EEF1D: variants seen among roughly 807,000 people sequenced by gnomAD.
The protein encoded by EEF1D is elongation factor 1-delta.
Under a neutral mutation model 63.9 loss-of-function variants are expected in EEF1D, and 47 were observed. The ratio of observed to expected loss-of-function variants is 0.74; its 90% CI spans 0.58 to 0.94. The LOEUF is 0.94. EEF1D is among the 40% of genes least tolerant of loss of function. The probability of loss-of-function intolerance (pLI) is 0.00; values close to 1 mark genes in which losing one functional copy is unlikely to be tolerated. For missense variants in EEF1D, 907 were observed against 899.0 expected (o/e 1.01, Z -0.11); for synonymous variants, 412 against 386.1 (o/e 1.07, Z -0.79).
At position 143,580,044 on chromosome 8, in the gene EEF1D, G is replaced by A. The variant is rs999731778; in HGVS notation, c.1873C>T (p.Leu625=). The A allele has an allele frequency of 1.9e-6, 3 of 1,613,904 alleles. No homozygotes were observed. The highest frequency in any genetic ancestry group is 2.5e-6 in the Non-Finnish European group (3 of 1,179,928). Residue 625 remains leucine (L), a synonymous_variant, in exon 9 of 10, where the codon CTG becomes TTG. Transcript: ENST00000618139. ...VEDDKVGTDL[L]EEEITKFEEH... ...TCAAACTTGGTGATCTCCTCCTCCA[G>A]CAAGTCTGTCCCCACCTTGTCGTCC...
chr8:143,591,306 C>T (rs1391415518), intron 2 of EEF1D, among the ~76,000 whole-genome samples: 1 of 152,214 alleles, frequency 6.6e-6, no homozygotes, highest in East Asian at 1.9e-4. Flanking sequence ...ATGAGGTGTT[C>T]CCTCAAGCTC....
chr8:143,592,583 C>T (rs530019549), intron 2 of EEF1D, 64 bp downstream of exon 2: 6 of 982,830 alleles, frequency 6.1e-6, no homozygotes, highest in Non-Finnish European at 6.0e-6. Context: ...TCAGGTGCAG[C>T]GAGGGCTGGG....
chr8:143,579,864 T>C (rs1824966052), intron 9 of EEF1D, 34 bp from the exon 10 acceptor site: 1 of 1,543,996 alleles, frequency 6.5e-7, no homozygotes, highest in Non-Finnish European at 8.7e-7. Flanking sequence ...GTCAGGGCTG[T>C]TCCCCTACAG....
Position 143,589,369 on chromosome 8 carries a change from CGGG to C in EEF1D, c.710_712del (p.Pro237del), listed in dbSNP as rs1361808239. ...GAAGCCCCTCTCGGCTGCATCATACCGGGGCTTCTCCAGCCACACCTCCCGAAC... is the reference window on the plus strand; with the variant it reads ...GAAGCCCCTCTCGGCTGCATCATACCGCTTCTCCAGCCACACCTCCCGAAC... On this transcript the variant is annotated inframe_deletion, in exon 3 of 10. Coordinates refer to ENST00000618139, the MANE Select transcript of EEF1D (RefSeq NM_001130053.5). 6.4e-7 allele frequency: 1 copy of C among 1,553,444 alleles called. No individual in the cohort carries two copies. The highest frequency in any genetic ancestry group is 8.7e-7 in the Non-Finnish European group (1 of 1,145,838).
intron 1 of EEF1D, among the ~76,000 whole-genome samples, chr8:143,595,893 GCTCCTACACCAGCACTTAGCATAA>G (rs1384096993): frequency 6.6e-6 from 1 of 152,206 alleles, no homozygotes; most frequent in East Asian, 1.9e-4. Context: ...CCTGTGGCAG[GCTCCTACACCAGCACTTAGCATAA>G]CTCACTGCCA....
chr8:143,589,370 G>T lies in EEF1D; in HGVS notation c.712C>A (p.Arg238=). The change falls in exon 3 of 10, where the codon CGG becomes AGG. Residue 238 remains arginine, a synonymous_variant. Coordinates refer to ENST00000618139, the MANE Select transcript of EEF1D (RefSeq NM_001130053.5). ...LVREVWLEKP[R]YDAAERGFYE... is the part of the protein sequence containing the mutation. ...AAGCCCCTCTCGGCTGCATCATACC[G>T]GGGCTTCTCCAGCCACACCTCCCGA... 6.4e-7 allele frequency: 1 copy of T among 1,554,828 alleles called. No individual in the cohort carries two copies. The highest frequency in any genetic ancestry group is 1.4e-5 in the African/African-American group (1 of 73,398).
At chr8:143,586,966 T>G in intron 3 of EEF1D, 114 bp from the exon 4 acceptor site, 12 of 1,459,856 alleles carry the variant, frequency 8.2e-6, no homozygotes, top group South Asian at 1.3e-5. Flanking sequence ...CACCAGCGGT[T>G]CTCCACAAAG....
chr8:143,581,178 T>C, intron 6 of EEF1D, 24 bp from the exon 7 acceptor site: 2 of 1,612,844 alleles, frequency 1.2e-6, no homozygotes, highest in Non-Finnish European at 1.7e-6. Context: ...GGGAGCACGG[T>C]TAGATGGCAG....
intron 5 of EEF1D, chr8:143,581,887 G>T (rs1330907641): frequency 1.3e-5 from 2 of 155,264 alleles, no homozygotes; most frequent in Admixed American, 1.3e-4. Flanking sequence ...TGCCATAGCT[G>T]AGACTGATAC....
rs769293820 is a variant in EEF1D at position 143,579,818 on chromosome 8, C to G, written c.1918G>C (p.Asp640His). The G allele has an allele frequency of 6.4e-7, 1 of 1,566,338 alleles. No homozygotes were observed. Among genetic ancestry groups the G allele is most frequent in the Non-Finnish European group, 8.7e-7 (1 of 1,153,470 alleles). The stretch of plus-strand genomic sequence containing the variant: ...CAGATCTTGTTGAAAGCTGCGATAT[C>G]GACACTCTGCACCTGAGGAGAGGCG... ...TKFEEHVQSV[D>H]IAAFNKI Residue 640 changes from aspartate to histidine, a missense_variant, in exon 10 of 10, where the codon GAT (aspartate) becomes CAT (histidine). Physicochemically the swap from Asp to His is moderately conservative, Grantham distance 81. Transcript: ENST00000618139.
Position 143,592,186 on chromosome 8 carries a change from A to AC in EEF1D, c.-1+460dup, listed in dbSNP as rs906176748. ...GGGCATTGTGACATCGTGCGGTGGT[A>AC]CCCCCACCAGTCTCTCTGCTCCCAT... is the stretch of plus-strand genomic sequence containing the variant. On this transcript the variant is annotated intron_variant, in intron 2 of 9. Transcript: ENST00000618139. 11 of 984,944 alleles carry AC rather than the reference A, an allele frequency of 1.1e-5. No homozygotes were observed. The African/African-American group carries it at 1.9e-4, about 17-fold the overall frequency. The allele number at this position is 984,944 out of a possible 1,614,324, so 61.0% of individuals were successfully genotyped here.
At position 143,580,054 on chromosome 8, in the gene EEF1D, C is replaced by T; in HGVS notation, c.1863G>A (p.Gly621=). ...TGATCTCCTCCTCCAGCAAGTCTGT[C>T]CCCACCTTGTCGTCCTCCACCACAC... The part of the protein sequence containing the change: ...IQCVVEDDKV[G]TDLLEEEITK... Residue 621 remains glycine, a synonymous_variant, in exon 9 of 10, where the codon GGG becomes GGA. Coordinates refer to ENST00000618139, the MANE Select transcript of EEF1D (RefSeq NM_001130053.5). 1.2e-6 allele frequency: 2 copies of T among 1,613,982 alleles called. No homozygotes were observed. The highest frequency in any genetic ancestry group is 1.7e-6 in the Non-Finnish European group (2 of 1,179,994).
chr8:143,587,045 CA>C lies in EEF1D; in HGVS notation c.1092-194del, dbSNP rs952910121. 8 of 665,466 alleles carry C rather than the reference CA, an allele frequency of 1.2e-5. No individual in the cohort carries two copies. The African/African-American group carries it at 1.5e-4, about 12-fold the overall frequency. The allele number at this position is 665,466 out of a possible 1,614,324, so 41.2% of individuals were successfully genotyped here. On this transcript the variant is annotated intron_variant, in intron 3 of 9. Transcript: ENST00000618139. ...GCCTGTCTTCCAGACGAGGAGTTCT[CA>C]AAGTGTGGTCCGAGAACCTCTGAGG...
At chr8:143,596,742 C>A (rs1018151482) in intron 1 of EEF1D, 3 of 152,310 alleles carry the variant, frequency 2.0e-5, no homozygotes, top group Non-Finnish European at 2.9e-5. Flanking sequence ...CTTCCTTCCA[C>A]TTAAAGCCTC....
chr8:143,585,205 G>A (rs1201744899), intron 5 of EEF1D, among the ~76,000 whole-genome samples: 1 of 152,166 alleles, frequency 6.6e-6, no homozygotes, highest in Admixed American at 6.5e-5. Context: ...ATTTTGAGGT[G>A]GGAACATCCT....
rs1827246979 is a variant in EEF1D at position 143,588,902 on chromosome 8, G to C, written c.1091+89C>G. The C allele has an allele frequency of 2.7e-6, 4 of 1,480,462 alleles. No homozygotes were observed. The South Asian group carries it at 3.9e-5, about 15-fold the overall frequency. The allele number at this position is 1,480,462 out of a possible 1,614,324, so 91.7% of individuals were successfully genotyped here. A position where few individuals can be genotyped will look rare whatever the true frequency, so the allele number is the denominator to read the frequency against. ...GGGGAGCCCCCACCCCAGGTGGGCA[G>C]GGGAGGAAGCTGGAGGAGCCCCAGC... On this transcript the variant is annotated intron_variant, in intron 3 of 9. Coordinates refer to ENST00000618139, the MANE Select transcript of EEF1D (RefSeq NM_001130053.5).
intron 5 of EEF1D, among the ~76,000 whole-genome samples, chr8:143,585,426 G>A (rs1169655709): frequency 1.3e-5 from 2 of 152,302 alleles, no homozygotes; most frequent in South Asian, 2.1e-4. Context: ...GAAGGATGGC[G>A]ACCTTGCTGA....
chr8:143,581,389 T>C, intron 5 of EEF1D, 61 bp from the exon 6 acceptor site: 1 of 1,460,928 alleles, frequency 6.8e-7, no homozygotes, highest in Non-Finnish European at 9.4e-7. Context: ...CCCCCTGCCA[T>C]GCTCAGGACT....
intron 1 of EEF1D, 99 bp from the exon 2 acceptor site, chr8:143,592,759 T>C (rs920696365): frequency 3.1e-6 from 3 of 955,400 alleles, no homozygotes; most frequent in African/African-American, 1.8e-5. Context: ...GCCGGGGGCC[T>C]TTCCAGAAGC....
Sources: allele counts gnomAD v4.1 joint callset (sites outside exome capture counted in the v4.1 genomes callset), GRCh38; gene constraint gnomAD v4.1.1; transcripts MANE v1.5; gene names NCBI Gene and HGNC (gene_info 2026-07-23, HGNC 2026-07-21).